The following DISC1 variants were observed in gnomAD, a reference collection of about 807,000 sequenced individuals.
DISC1 encodes DISC1 scaffold protein, also known as disrupted in schizophrenia 1 protein.
Under a neutral mutation model 84.5 loss-of-function variants are expected in DISC1, and 57 were observed. The observed-to-expected ratio is 0.67, with a 90% CI of 0.55 to 0.84. The LOEUF is 0.84. Ranked by LOEUF, DISC1 falls within the 40% of genes least tolerant of loss-of-function variation. The pLI, the probability that DISC1 is intolerant of heterozygous loss-of-function variation, is 0.00. For synonymous variants in DISC1, 411 were observed against 415.2 expected, an observed-to-expected ratio of 0.99 and a Z score of 0.12; for missense variants, 1,000 against 1,057.8, an observed-to-expected ratio of 0.95 and a Z score of 0.76.
At chr1:231,681,165 T>C (rs1309319590) in intron 1 of DISC1, among the ~76,000 whole-genome samples, 1 of 152,144 alleles carries the variant, frequency 6.6e-6, no homozygotes, top group Non-Finnish European at 1.5e-5. Flanking sequence ...AAGACAATCG[T>C]TTAGGAGAAT....
intron 6 of DISC1, among the ~76,000 whole-genome samples, chr1:231,787,689 C>A (rs1434695984): frequency 6.6e-6 from 1 of 152,206 alleles, no homozygotes; most frequent in Non-Finnish European, 1.5e-5. Flanking sequence ...GAAAGATGAG[C>A]AAGATGCTCT....
At chr1:231,728,965 G>A (rs2071141331) in intron 3 of DISC1, among the ~76,000 whole-genome samples, 1 of 152,070 alleles carries the variant, frequency 6.6e-6, no homozygotes, top group African/African-American at 2.4e-5. Context: ...TTAACATTAG[G>A]TATATCTCCT....
chr1:231,779,761 G>A lies in DISC1; in HGVS notation c.1634+8691G>A, dbSNP rs557550796. Among the ~76,000 whole-genome samples, 7 of 151,712 alleles carry A rather than the reference G, an allele frequency of 4.6e-5. 1 individual carries two copies. The highest frequency in any genetic ancestry group is 2.0e-4 in the East Asian group (1 of 5,128). On this transcript the variant is annotated intron_variant, in intron 6 of 12. Transcript: ENST00000439617. ...TTTTTAGTAGAGATGGGGTTTCACC[G>A]TGTTAGCCAGGATGGTCTCAATCTC...
rs12059656 is a variant in DISC1 at position 231,657,342 on chromosome 1, G to A, written c.67+30408G>A. 4.3e-3 allele frequency among the ~76,000 whole-genome samples: 653 copies of A among 152,250 alleles called. 2 individuals are homozygous for A. The highest frequency in any genetic ancestry group is 0.015 in the African/African-American group (617 of 41,540). On this transcript the variant is annotated intron_variant, in intron 1 of 12. Coordinates refer to ENST00000439617, the MANE Select transcript of DISC1 (RefSeq NM_018662.3). ...CAGCCATTCTGACTGGTGTTAGATCGTATCTTATTGTGGTTTTTATTTGCA... is the reference window on the plus strand; with the variant it reads ...CAGCCATTCTGACTGGTGTTAGATCATATCTTATTGTGGTTTTTATTTGCA...
chr1:231,691,887 C>T (rs1347311721), intron 1 of DISC1, among the ~76,000 whole-genome samples: 4 of 152,218 alleles, frequency 2.6e-5, no homozygotes, highest in Non-Finnish European at 5.9e-5. Flanking sequence ...GCCTCACATC[C>T]TCGGATGACG....
chr1:231,948,444 G>A (rs1251274044), intron 9 of DISC1, among the ~76,000 whole-genome samples: 4 of 152,052 alleles, frequency 2.6e-5, no homozygotes, highest in South Asian at 2.1e-4. Context: ...ATCACACACC[G>A]GGGCCTGTCG....
At position 231,626,818 on chromosome 1, in the gene DISC1, A is replaced by G. The variant is rs1418448433; in HGVS notation, c.-50A>G. The G allele has an allele frequency of 3.0e-6, 4 of 1,330,446 alleles. No individual in the cohort carries two copies. Among genetic ancestry groups the G allele is most frequent in the South Asian group, 1.6e-5 (1 of 62,390 alleles). The allele number at this position is 1,330,446 out of a possible 1,614,324, so 82.4% of individuals were successfully genotyped here. ...TTCCCCCCGCCTCTGGCCTCGGGGA[A>G]GGAGCAGGAGGCAGCCCAGGCGGAG... On this transcript the variant is annotated 5_prime_UTR_variant, in exon 1 of 13. Transcript: ENST00000439617.
intron 6 of DISC1, among the ~76,000 whole-genome samples, chr1:231,794,060 A>G (rs2078558415): frequency 6.6e-6 from 1 of 152,200 alleles, no homozygotes. Context: ...CTGGAATTAC[A>G]GGCGTGAGCC....
chr1:231,952,860 C>CT (rs1658733498), intron 9 of DISC1, among the ~76,000 whole-genome samples: 1 of 151,984 alleles, frequency 6.6e-6, no homozygotes, highest in African/African-American at 2.4e-5. Context: ...CTTTGTAACT[C>CT]TGACTTTTTA....
rs1040105948 is a variant in DISC1 at position 232,004,196 on chromosome 1, A to T, written c.2043-4589A>T. On this transcript the variant is annotated intron_variant, in intron 10 of 12. Transcript: ENST00000439617. ...AAGCTAATAAAAAGTAAGATAATAA[A>T]TCCAAAGAAATGGGGAAAATGGAAA... is the stretch of plus-strand genomic sequence containing the variant. Among the ~76,000 whole-genome samples, 6 of 152,038 alleles carry T rather than the reference A, an allele frequency of 3.9e-5. No homozygotes were observed. In the East Asian group the frequency reaches 1.2e-3, roughly 29 times the overall value.
chr1:231,753,230 G>A (rs2074796939), intron 4 of DISC1, among the ~76,000 whole-genome samples: 1 of 152,202 alleles, frequency 6.6e-6, no homozygotes, highest in Non-Finnish European at 1.5e-5. Flanking sequence ...CTCCATGAGG[G>A]GTCCTGCCCT....
At chr1:232,012,709 G>C (rs946947626) in intron 11 of DISC1, among the ~76,000 whole-genome samples, 1 of 152,310 alleles carries the variant, frequency 6.6e-6, no homozygotes, top group South Asian at 2.1e-4. Flanking sequence ...TCTGGCCAAC[G>C]TGGTGATGTG....
chr1:231,794,026 CA>C (rs2078553901), intron 6 of DISC1, among the ~76,000 whole-genome samples: 1 of 152,096 alleles, frequency 6.6e-6, no homozygotes, highest in Non-Finnish European at 1.5e-5. Context: ...TCAGGTGATC[CA>C]CCCCCCAAGG....
chr1:231,889,254 G>A (rs533412028), intron 9 of DISC1, among the ~76,000 whole-genome samples: 1 of 152,282 alleles, frequency 6.6e-6, no homozygotes, highest in African/African-American at 2.4e-5. Flanking sequence ...AATGACATGA[G>A]CATATGGGCA....
intron 9 of DISC1, chr1:231,866,614 C>T (rs1158991217): frequency 1.9e-6 from 3 of 1,544,202 alleles, no homozygotes; most frequent in African/African-American, 1.4e-5. Context: ...TGATTTGAAC[C>T]CAGAGAGTCT....
intron 9 of DISC1, among the ~76,000 whole-genome samples, chr1:231,870,620 A>T (rs1315087721): frequency 2.0e-5 from 3 of 152,192 alleles, no homozygotes; most frequent in African/African-American, 7.2e-5. Context: ...GTGCAGCACG[A>T]ACTGTGGCAT....
At chr1:231,907,167 T>TTCTTTCTC (rs2088797828) in intron 9 of DISC1, among the ~76,000 whole-genome samples, 1 of 144,648 alleles carries the variant, frequency 6.9e-6, no homozygotes, top group Non-Finnish European at 1.5e-5. Context: ...CTTTCTTTCT[T>TTCTTTCTC]TCTCTTTCTT....
At chr1:231,958,035 G>A (rs181372545) in intron 9 of DISC1, among the ~76,000 whole-genome samples, 1 of 152,264 alleles carries the variant, frequency 6.6e-6, no homozygotes, top group Admixed American at 6.5e-5. Flanking sequence ...AATAGACATG[G>A]CAGCACCATT....
chr1:231,930,384 G>A (rs1435462149), intron 9 of DISC1, among the ~76,000 whole-genome samples: 1 of 152,136 alleles, frequency 6.6e-6, no homozygotes, highest in Non-Finnish European at 1.5e-5. Context: ...GTGTGCCAGG[G>A]ATCGCTCTAA....
Sources: allele counts gnomAD v4.1 joint callset (sites outside exome capture counted in the v4.1 genomes callset), GRCh38; gene constraint gnomAD v4.1.1; transcripts MANE v1.5; gene names NCBI Gene and HGNC (gene_info 2026-07-23, HGNC 2026-07-21).